The following SRP19 variants were observed in gnomAD, a reference collection of about 807,000 sequenced individuals.
The protein encoded by SRP19 is signal recognition particle 19.
A neutral mutation model predicts 22.4 loss-of-function variants in SRP19; 11 were observed. The observed-to-expected ratio is 0.49, with a 90% confidence interval of 0.31 to 0.81. The LOEUF is 0.81. Ranked by LOEUF, SRP19 falls within the 40% of genes least tolerant of loss-of-function variation. SRP19 has a pLI of 0.05. For synonymous variants in SRP19, 61 were observed against 57.6 expected, an observed-to-expected ratio of 1.06 and a Z score of -0.27; for missense variants, 168 against 175.9, an observed-to-expected ratio of 0.96 and a Z score of 0.25.
chr5:112,862,820 G>A (rs1281647553), intron 2 of SRP19, among the ~76,000 whole-genome samples: 1 of 152,200 alleles, frequency 6.6e-6, no homozygotes, highest in East Asian at 1.9e-4. Context: ...TTGTAAAGGA[G>A]TGGGGGCAGA....
exon 5 of SRP19, chr5:112,891,961 C>T (rs1768470798): frequency 1.6e-6 from 2 of 1,243,490 alleles, no homozygotes; most frequent in Non-Finnish European, 2.4e-6. Context: ...GCTAGAAGAA[C>T]AAGAGAGAAA....
chr5:112,884,815 C>T (rs937680822), intron 4 of SRP19, among the ~76,000 whole-genome samples: 1 of 151,542 alleles, frequency 6.6e-6, no homozygotes, highest in Non-Finnish European at 1.5e-5. Context: ...TATTTTTTCC[C>T]TATATTATAT....
chr5:112,867,408 G>C lies in SRP19; in HGVS notation c.306G>C (p.Lys102Asn). The change falls in exon 5 of 5, where the codon AAG becomes AAC. Residue 102 changes from lysine to asparagine, a missense_variant. By Grantham distance (94) the Lys-to-Asn change is moderately conservative. Transcript: ENST00000505459. Reference sequence around the variant, plus strand: ...AGCCTAACTTCTGGTTCCTAGGTAAGTCAGTAATGTTGTATGCAGCAGAAA... The same window carrying C: ...AGCCTAACTTCTGGTTCCTAGGTAACTCAGTAATGTTGTATGCAGCAGAAA... ...SLCLVQFPSR[K>N]SVMLYAAEMI... 6.2e-7 allele frequency: 1 copy of C among 1,610,800 alleles called. No homozygotes were observed. The highest frequency in any genetic ancestry group is 8.5e-7 in the Non-Finnish European group (1 of 1,178,042).
At chr5:112,895,390 C>T, downstream of SRP19, 1 of 152,118 alleles carries the variant, frequency 6.6e-6, no homozygotes, top group Non-Finnish European at 1.5e-5. Flanking sequence ...AGTAGTATTA[C>T]CAAATCCTAA....
rs566752875 is a variant in SRP19 at position 112,868,404 on chromosome 5, G to T, written c.*867G>T. 1.1e-5 allele frequency: 11 copies of T among 1,002,710 alleles called. No homozygotes were observed. In the African/African-American group the frequency reaches 1.4e-4, roughly 13 times the overall value. 62.1% of individuals were successfully genotyped at this position (1,002,710 alleles called of 1,614,324 possible). A position where few individuals can be genotyped will look rare whatever the true frequency, so the allele number is the denominator to read the frequency against. On this transcript the variant is annotated 3_prime_UTR_variant, in exon 5 of 5. Coordinates refer to ENST00000505459, the MANE Select transcript of SRP19 (RefSeq NM_003135.3). Reference sequence around the variant, plus strand: ...AATTCCATTTTTTTTAAGTTTGTTTGTTTGTTTGTTTTTGAGATGGAGTTT... The same window carrying T: ...AATTCCATTTTTTTTAAGTTTGTTTTTTTGTTTGTTTTTGAGATGGAGTTT...
chr5:112,863,550 G>C (rs1024867297), intron 2 of SRP19, among the ~76,000 whole-genome samples: 1 of 152,170 alleles, frequency 6.6e-6, no homozygotes, highest in Admixed American at 6.5e-5. Context: ...GATGTCTTTT[G>C]TGTGTGGGTA....
chr5:112,885,972 T>C (rs755062762), intron 4 of SRP19, among the ~76,000 whole-genome samples: 3 of 152,218 alleles, frequency 2.0e-5, no homozygotes, highest in African/African-American at 4.8e-5. Context: ...TCCTGTCTAC[T>C]GGATGTTTAC....
chr5:112,890,878 T>G (rs1055916831), intron 4 of SRP19, among the ~76,000 whole-genome samples: 4 of 150,604 alleles, frequency 2.7e-5, no homozygotes, highest in African/African-American at 9.9e-5. Flanking sequence ...AAAATAGGTA[T>G]TAATTGAAAA....
intron 4 of SRP19, among the ~76,000 whole-genome samples, chr5:112,882,454 C>G (rs1768109275): frequency 6.6e-6 from 1 of 152,220 alleles, no homozygotes; most frequent in Non-Finnish European, 1.5e-5. Context: ...CTTCATAGTT[C>G]TTGCTGGAAA....
intron 4 of SRP19, chr5:112,876,742 C>A (rs1328553398): frequency 6.6e-6 from 1 of 152,150 alleles, no homozygotes; most frequent in Non-Finnish European, 1.5e-5. Context: ...TGCAACAGAA[C>A]TGCTCAATTC....
At chr5:112,893,812 C>T (rs961415640), downstream of SRP19, 13 of 152,232 alleles carry the variant, frequency 8.5e-5, no homozygotes, top group African/African-American at 2.9e-4. Flanking sequence ...CTTGAGGTAC[C>T]CTCAGTATGT....
intron 4 of SRP19, chr5:112,887,106 A>C: frequency 1.2e-6 from 2 of 1,613,708 alleles, no homozygotes; most frequent in Non-Finnish European, 1.7e-6. Context: ...TCAGGAAGAA[A>C]GGACGGATGA....
downstream of SRP19, among the ~76,000 whole-genome samples, chr5:112,873,392 A>G (rs544828484): frequency 1.1e-3 from 149 of 135,546 alleles, no homozygotes; most frequent in Admixed American, 2.5e-3. Flanking sequence ...CGTCACCCAG[A>G]CTGGAGTGCA....
chr5:112,884,191 G>C (rs756049505), intron 4 of SRP19, among the ~76,000 whole-genome samples: 5 of 152,110 alleles, frequency 3.3e-5, no homozygotes, highest in Non-Finnish European at 7.4e-5. Flanking sequence ...CTCACATAGA[G>C]TAGAAGCCAA....
intron 4 of SRP19, among the ~76,000 whole-genome samples, chr5:112,886,346 T>C (rs1768243463): frequency 6.6e-6 from 1 of 152,070 alleles, no homozygotes; most frequent in South Asian, 2.1e-4. Context: ...TTCTAAAGAG[T>C]GGTAGTTTGC....
intron 1 of SRP19, among the ~76,000 whole-genome samples, chr5:112,862,157 G>A (rs1276865289): frequency 2.0e-5 from 3 of 152,300 alleles, no homozygotes; most frequent in Non-Finnish European, 4.4e-5. Flanking sequence ...ACACTCCACA[G>A]GGTGGGAGCC....
At chr5:112,862,318 A>G (rs372492) in intron 1 of SRP19, 190 bp from the exon 2 acceptor site, 433,975 of 640,188 alleles carry the variant, frequency 0.68, 148,460 homozygotes, top group East Asian at 0.84. Flanking sequence ...CAGTCTGATT[A>G]GTTGCTCGAG....
In SRP19 at chr5:112,864,384, ATTAT is replaced by A. The variant is rs1212069259; in HGVS notation, c.118-69_118-66del. Reference sequence around the variant, plus strand: ...TACTTGTTTGATTATAGTATTTGAAATTATTTACCCAACACTATGGCAGTGTCCA... The same window carrying A: ...TACTTGTTTGATTATAGTATTTGAAATTACCCAACACTATGGCAGTGTCCA... On this transcript the variant is annotated intron_variant, in intron 2 of 4. Transcript: ENST00000505459. 3.1e-6 allele frequency: 4 copies of A among 1,298,192 alleles called. No homozygotes were observed. In the African/African-American group the frequency reaches 5.9e-5, roughly 19 times the overall value. The allele number at this position is 1,298,192 out of a possible 1,614,324, so 80.4% of individuals were successfully genotyped here. A position where few individuals can be genotyped will look rare whatever the true frequency, so the allele number is the denominator to read the frequency against.
At chr5:112,891,325 G>A (rs780282765) in intron 4 of SRP19, among the ~76,000 whole-genome samples, 11 of 151,814 alleles carry the variant, frequency 7.2e-5, no homozygotes, top group Admixed American at 1.3e-4. Context: ...CGCCCATTTC[G>A]GCCTCCTAAA....
Sources: allele counts gnomAD v4.1 joint callset (sites outside exome capture counted in the v4.1 genomes callset), GRCh38; gene constraint gnomAD v4.1.1; transcripts MANE v1.5; gene names NCBI Gene and HGNC (gene_info 2026-07-23, HGNC 2026-07-21).